Variants in VANGL2 observed in about 807,000 individuals in gnomAD.
VANGL2 encodes vang-like protein 2.
A neutral mutation model predicts 50.2 loss-of-function variants in VANGL2; 14 were observed. That is an observed-to-expected ratio of 0.28 (90% CI 0.18 to 0.44). The LOEUF is 0.44. Among genes scored for constraint, VANGL2 ranks in the 20% least tolerant of loss-of-function variants. The pLI is 1.00. For missense variants in VANGL2, 533 were observed against 701.5 expected, an observed-to-expected ratio of 0.76 and a Z score of 2.71; for synonymous variants, 295 against 297.2, an observed-to-expected ratio of 0.99 and a Z score of 0.08.
chr1:160,406,592 C>A (rs2101947213), intron 1 of VANGL2, among the ~76,000 whole-genome samples: 1 of 152,108 alleles, frequency 6.6e-6, no homozygotes, highest in Non-Finnish European at 1.5e-5. Context: ...ATGGGAGGAG[C>A]CTGGTCCTTA....
chr1:160,415,382 A>G (rs112033590), intron 1 of VANGL2, among the ~76,000 whole-genome samples: 2,032 of 152,270 alleles, frequency 0.013, 50 homozygotes, highest in African/African-American at 0.046. Flanking sequence ...GGGTTGGGTC[A>G]TTCTGGGTGA....
chr1:160,416,203 G>T, intron 3 of VANGL2, 21 bp downstream of exon 3: 2 of 1,613,880 alleles, frequency 1.2e-6, no homozygotes, highest in Non-Finnish European at 1.7e-6. Flanking sequence ...GGGATGCGGT[G>T]GTCCAGACCG....
rs752189617 is a variant in VANGL2 at position 160,416,138 on chromosome 1, G to A, written c.148G>A (p.Gly50Arg). 7.4e-6 allele frequency: 12 copies of A among 1,614,072 alleles called. No individual in the cohort carries two copies. The highest frequency in any genetic ancestry group is 2.2e-5 in the East Asian group (1 of 44,888). The change falls in exon 3 of 8, where the codon GGG (glycine) becomes AGG (arginine). Residue 50 changes from glycine (G) to arginine (R), a missense_variant. By Grantham distance (125) the Gly-to-Arg change is moderately radical. Transcript: ENST00000368061. Reference protein sequence around the residue: ...GDKSVTIQAPGEPLLDNESTR... With the variant: ...GDKSVTIQAPREPLLDNESTR... Reference sequence around the variant, plus strand: ...CAAGTCGGTGACAATCCAGGCTCCCGGGGAGCCCCTGCTGGACAATGAGTC... The same window carrying A: ...CAAGTCGGTGACAATCCAGGCTCCCAGGGAGCCCCTGCTGGACAATGAGTC...
At chr1:160,417,146 G>A (rs1451611070) in intron 3 of VANGL2, among the ~76,000 whole-genome samples, 1 of 152,088 alleles carries the variant, frequency 6.6e-6, no homozygotes, top group African/African-American at 2.4e-5. Flanking sequence ...GTCAGAGGGC[G>A]GGGAGCAGAC....
chr1:160,419,172 C>T lies in VANGL2; in HGVS notation c.363C>T (p.Leu121=), dbSNP rs762473721. 1.7e-5 allele frequency: 27 copies of T among 1,613,836 alleles called. No homozygotes were observed. In the Admixed American group the frequency reaches 3.3e-4, roughly 20 times the overall value. ...CCACCCTGGCACTGCTGTCTTTCCT[C>T]ACGCCTCTGGCCTTCCTGCTGCTGC... The part of the protein sequence containing the change: ...AGATLALLSF[L]TPLAFLLLPP... Residue 121 remains leucine (L), a synonymous_variant, in exon 4 of 8, where the codon CTC becomes CTT. Transcript: ENST00000368061. This position sits in a 1 kb window ranked among gnomAD's most constrained non-coding sequence, Gnocchi z 5.8.
At position 160,416,058 on chromosome 1, in the gene VANGL2, G is replaced by T. The variant is rs369158229; in HGVS notation, c.72-4G>T. 7.4e-6 allele frequency: 12 copies of T among 1,614,180 alleles called. No individual in the cohort carries two copies. Among genetic ancestry groups the T allele is most frequent in the Non-Finnish European group, 1.0e-5 (12 of 1,180,004 alleles). ...TCTGTGCCTTTTCTGGCTTCCTGCC[G>T]CAGGGACCGCCGGGACCGACACCGC... On this transcript the variant is annotated splice_region_variant and splice_polypyrimidine_tract_variant and intron_variant, in intron 2 of 7. Coordinates refer to ENST00000368061, the MANE Select transcript of VANGL2 (RefSeq NM_020335.3).
intron 1 of VANGL2, among the ~76,000 whole-genome samples, chr1:160,411,391 C>A (rs1243564444): frequency 6.6e-6 from 1 of 151,980 alleles, no homozygotes; most frequent in Non-Finnish European, 1.5e-5. Context: ...ATCCAGCCAT[C>A]CCCTCCCCCC....
intron 1 of VANGL2, among the ~76,000 whole-genome samples, chr1:160,407,468 A>T (rs1650715621): frequency 6.6e-6 from 1 of 151,998 alleles, no homozygotes; most frequent in Non-Finnish European, 1.5e-5. Context: ...GTGCCCCCAT[A>T]TGTTCTTCCC....
rs1273369781 is a variant in VANGL2 at position 160,419,509 on chromosome 1, G to A, written c.700G>A (p.Val234Met). The A allele has an allele frequency of 1.2e-5, 19 of 1,602,860 alleles. No individual in the cohort carries two copies. The highest frequency in any genetic ancestry group is 2.2e-5 in the East Asian group (1 of 44,886). The change falls in exon 4 of 8, where the codon GTG (valine) becomes ATG (methionine). Residue 234 changes from valine to methionine, a missense_variant. Physicochemically the swap from Val to Met is conservative, Grantham distance 21 (BLOSUM62 1). Coordinates refer to ENST00000368061, the MANE Select transcript of VANGL2 (RefSeq NM_020335.3). The surrounding 1 kb of genome is among the most constrained non-coding windows in gnomAD (Gnocchi z 5.8). ...CCTTCTTTTCGTGCACTACCTGGCC[G>A]TGGTCCTGCTGGAGCTGCGCCAGCT... is the stretch of plus-strand genomic sequence containing the variant. ...DALLFVHYLAVVLLELRQLQP... is the reference protein window; with the variant it reads ...DALLFVHYLAMVLLELRQLQP...
chr1:160,412,721 T>A (rs760519851), intron 1 of VANGL2, among the ~76,000 whole-genome samples: 1 of 152,204 alleles, frequency 6.6e-6, no homozygotes, highest in Non-Finnish European at 1.5e-5. Flanking sequence ...TCCATTGAAC[T>A]CTGTTAAGAA....
At chr1:160,424,449 C>G (rs1472055468) in intron 7 of VANGL2, among the ~76,000 whole-genome samples, 166 bp downstream of exon 7, 1 of 152,180 alleles carries the variant, frequency 6.6e-6, no homozygotes, top group Non-Finnish European at 1.5e-5. Context: ...TCCACCTGCC[C>G]CATCTGTGTG....
intron 1 of VANGL2, among the ~76,000 whole-genome samples, chr1:160,406,794 T>G (rs1444982839): frequency 6.6e-6 from 1 of 151,688 alleles, no homozygotes; most frequent in East Asian, 1.9e-4. Context: ...AATGGCGCGA[T>G]CTTGGCTCAC....
intron 4 of VANGL2, 72 bp from the exon 5 acceptor site, chr1:160,420,339 C>G: frequency 3.1e-6 from 5 of 1,601,424 alleles, no homozygotes; most frequent in Non-Finnish European, 4.3e-6. Context: ...CCAACCTGCC[C>G]TAATGTGTCC....
At chr1:160,403,983 G>C (rs1464207963) in intron 1 of VANGL2, among the ~76,000 whole-genome samples, 1 of 152,184 alleles carries the variant, frequency 6.6e-6, no homozygotes, top group Non-Finnish European at 1.5e-5. Flanking sequence ...ATTAATAATA[G>C]GCCCTACTTC....
At chr1:160,407,589 G>T (rs1650722918) in intron 1 of VANGL2, among the ~76,000 whole-genome samples, 1 of 152,214 alleles carries the variant, frequency 6.6e-6, no homozygotes, top group Admixed American at 6.5e-5. Context: ...CAGGGCAGGG[G>T]CTGGGTGAGC....
At chr1:160,420,854 T>C (rs555177594) in intron 5 of VANGL2, among the ~76,000 whole-genome samples, 198 bp from the exon 6 acceptor site, 4 of 152,338 alleles carry the variant, frequency 2.6e-5, no homozygotes, top group East Asian at 3.9e-4. Context: ...TGCAGGACTC[T>C]TGCGCTTCCA....
In VANGL2 at chr1:160,415,780, C is replaced by T. The variant is rs1651031969; in HGVS notation, c.-58C>T. On this transcript the variant is annotated 5_prime_UTR_variant, in exon 2 of 8. Coordinates refer to ENST00000368061, the MANE Select transcript of VANGL2 (RefSeq NM_020335.3). ...TGCTGAAGGAGGTGGCTGTGGGGCC[C>T]CCCAAGAGGCCCCAGCCTGCGGCCC... The T allele has an allele frequency of 3.8e-6, 6 of 1,578,712 alleles. No homozygotes were observed. The highest frequency in any genetic ancestry group is 8.6e-7 in the Non-Finnish European group (1 of 1,161,810).
At chr1:160,415,451 C>T (rs1372489121) in intron 1 of VANGL2, among the ~76,000 whole-genome samples, 197 bp from the exon 2 acceptor site, 2 of 152,212 alleles carry the variant, frequency 1.3e-5, no homozygotes. Context: ...GTCCTTGGCA[C>T]AGCCTGGCAG....
chr1:160,424,037 C>A lies in VANGL2; in HGVS notation c.1074-15C>A. 1 of 1,613,796 alleles carries A rather than the reference C, an allele frequency of 6.2e-7. No homozygotes were observed. Among genetic ancestry groups the A allele is most frequent in the Admixed American group, 1.7e-5 (1 of 60,020 alleles). On this transcript the variant is annotated splice_polypyrimidine_tract_variant and intron_variant, in intron 6 of 7. Coordinates refer to ENST00000368061, the MANE Select transcript of VANGL2 (RefSeq NM_020335.3). ...GAGAGGTGGGCATCTGGCCCAGTCCCCTCCTGTCCCCTAGGCTTGTAGTGG... is the reference window on the plus strand; with the variant it reads ...GAGAGGTGGGCATCTGGCCCAGTCCACTCCTGTCCCCTAGGCTTGTAGTGG...
Sources: gnomAD v4.1 joint callset for allele counts (sites outside exome capture counted in the v4.1 genomes callset) on GRCh38, gnomAD v4.1.1 for gene constraint, Gnocchi (gnomAD v3.1) non-coding constraint, MANE v1.5 for transcripts, NCBI Gene and HGNC (gene_info 2026-07-23, HGNC 2026-07-21) for gene names.